The following COL8A1 variants were observed in gnomAD, a reference collection of about 807,000 sequenced individuals.
The protein encoded by COL8A1 is collagen alpha-1(VIII) chain.
Under a neutral mutation model 42.7 loss-of-function variants are expected in COL8A1, and 21 were observed. The observed-to-expected ratio is 0.49, with a 90% CI of 0.35 to 0.71. COL8A1 has a LOEUF of 0.71. Among genes scored for constraint, COL8A1 ranks in the 30% least tolerant of loss-of-function variants. COL8A1 has a pLI of 0.01. For missense variants in COL8A1, 788 were observed against 962.4 expected, an observed-to-expected ratio of 0.82 and a Z score of 2.40; for synonymous variants, 367 against 369.1, an observed-to-expected ratio of 0.99 and a Z score of 0.06.
At chr3:99,644,455 G>A (rs889039534) in intron 1 of COL8A1, among the ~76,000 whole-genome samples, 1 of 152,174 alleles carries the variant, frequency 6.6e-6, no homozygotes, top group African/African-American at 2.4e-5. Context: ...GACGAAGGCA[G>A]GAAAGAATAT....
Position 99,796,234 on chromosome 3 carries a change from T to C in COL8A1, c.*98T>C. The C allele has an allele frequency of 9.7e-7, 1 of 1,032,778 alleles. No individual in the cohort carries two copies. The highest frequency in any genetic ancestry group is 1.3e-6 in the Non-Finnish European group (1 of 745,416). The allele number at this position is 1,032,778 out of a possible 1,614,324, so 64.0% of individuals were successfully genotyped here. ...GAAAAACATAATTGCTTCAAAACAC[T>C]TACACAGTTGGAAAGTTATATGTAA... On this transcript the variant is annotated 3_prime_UTR_variant, in exon 4 of 4. Transcript: ENST00000652472.
intron 1 of COL8A1, among the ~76,000 whole-genome samples, chr3:99,652,505 C>A (rs374752570): frequency 6.6e-6 from 1 of 152,192 alleles, no homozygotes; most frequent in Non-Finnish European, 1.5e-5. Flanking sequence ...AAATCTGGAT[C>A]ATCCCATCCC....
intron 1 of COL8A1, among the ~76,000 whole-genome samples, chr3:99,699,634 G>A (rs1489331012): frequency 2.0e-5 from 3 of 152,114 alleles, no homozygotes; most frequent in African/African-American, 7.2e-5. Context: ...AAATACATTT[G>A]CACTCTGAGC....
At chr3:99,749,548 T>C (rs1559626463) in intron 2 of COL8A1, among the ~76,000 whole-genome samples, 1 of 152,188 alleles carries the variant, frequency 6.6e-6, no homozygotes, top group Non-Finnish European at 1.5e-5. Context: ...GATAGGTTTA[T>C]GAACATGCTT....
At position 99,790,864 on chromosome 3, in the gene COL8A1, T is replaced by C; in HGVS notation, c.182T>C (p.Met61Thr). ...YQPLGQQVPH[M>T]PLAKDGLAMG... ...CCCCTGGGTCAGCAAGTACCTCACA[T>C]GCCTTTGGCCAAAGATGGCCTTGCC... The change falls in exon 3 of 4, where the codon ATG becomes ACG. Residue 61 changes from methionine to threonine, a missense_variant. By Grantham distance (81) the Met-to-Thr change is moderately conservative. Coordinates refer to ENST00000652472, the MANE Select transcript of COL8A1 (RefSeq NM_020351.4). The C allele has an allele frequency of 6.2e-7, 1 of 1,614,258 alleles. No homozygotes were observed. Among genetic ancestry groups the C allele is most frequent in the Non-Finnish European group, 8.5e-7 (1 of 1,180,050 alleles).
intron 1 of COL8A1, among the ~76,000 whole-genome samples, chr3:99,728,492 A>G (rs116497415): frequency 6.6e-6 from 1 of 152,060 alleles, no homozygotes. Flanking sequence ...ACATAAAATG[A>G]TTTTACAGAG....
chr3:99,762,658 G>A (rs560120263), intron 2 of COL8A1, among the ~76,000 whole-genome samples: 5 of 152,270 alleles, frequency 3.3e-5, no homozygotes, highest in South Asian at 2.1e-4. Flanking sequence ...CTAGCCCCAC[G>A]TTGGTCCTAG....
At chr3:99,760,101 T>C (rs186214444) in intron 2 of COL8A1, among the ~76,000 whole-genome samples, 1 of 152,282 alleles carries the variant, frequency 6.6e-6, no homozygotes. Context: ...AGTGATGTTG[T>C]TGGATAGAAA....
At chr3:99,775,249 A>G (rs1941673107) in intron 2 of COL8A1, among the ~76,000 whole-genome samples, 1 of 152,182 alleles carries the variant, frequency 6.6e-6, no homozygotes, top group Admixed American at 6.5e-5. Flanking sequence ...GGCTAAAGAA[A>G]GCACCAGGCT....
At chr3:99,725,825 T>C (rs918100639) in intron 1 of COL8A1, among the ~76,000 whole-genome samples, 3 of 152,062 alleles carry the variant, frequency 2.0e-5, no homozygotes, top group Non-Finnish European at 4.4e-5. Context: ...TGTTGGACAT[T>C]TGGGTTGGTT....
chr3:99,787,148 T>C (rs1576476717), intron 2 of COL8A1, among the ~76,000 whole-genome samples: 1 of 152,186 alleles, frequency 6.6e-6, no homozygotes, highest in Non-Finnish European at 1.5e-5. Context: ...CCAATGAGGA[T>C]AAACGTACAA....
intron 1 of COL8A1, among the ~76,000 whole-genome samples, chr3:99,673,733 CATAGGTAT>C (rs1281230016): frequency 4.6e-5 from 7 of 151,928 alleles, no homozygotes; most frequent in South Asian, 2.1e-4. Context: ...GGTAGCAGAG[CATAGGTAT>C]TAAGATTCAA....
At chr3:99,787,645 T>G (rs1365210713) in intron 2 of COL8A1, among the ~76,000 whole-genome samples, 2 of 152,176 alleles carry the variant, frequency 1.3e-5, no homozygotes, top group African/African-American at 4.8e-5. Context: ...AATTGCTATT[T>G]TACAGGTAAG....
At chr3:99,705,327 C>A (rs745757430) in intron 1 of COL8A1, among the ~76,000 whole-genome samples, 9 of 152,164 alleles carry the variant, frequency 5.9e-5, no homozygotes, top group Non-Finnish European at 1.2e-4. Flanking sequence ...CCAACTTCCA[C>A]CATTTCTATA....
chr3:99,710,255 T>C (rs1939797574), intron 1 of COL8A1, among the ~76,000 whole-genome samples: 1 of 152,136 alleles, frequency 6.6e-6, no homozygotes, highest in South Asian at 2.1e-4. Flanking sequence ...TTGCCTGCGC[T>C]ACTCACCAAA....
chr3:99,795,498 G>A lies in COL8A1; in HGVS notation c.1597G>A (p.Gly533Arg). Residue 533 changes from glycine (G) to arginine (R), a missense_variant, in exon 4 of 4, where the codon GGG (glycine) becomes AGG (arginine). Physicochemically the swap from Gly to Arg is moderately radical, Grantham distance 125 (BLOSUM62 -2). This residue lies in a region of COL8A1 where 154 missense variants were observed against 182.3 expected (regional missense o/e 0.84). Transcript: ENST00000652472. ...AGGGCCCCCTGGGTTCCCTGGTATA[G>A]GGAAACCCGGAGTGGCAGGACTTCA... is the stretch of plus-strand genomic sequence containing the variant. ...LPGPPGFPGI[G>R]KPGVAGLHGP... 3 of 1,580,808 alleles carry A rather than the reference G, an allele frequency of 1.9e-6. No homozygotes were observed. The highest frequency in any genetic ancestry group is 2.6e-6 in the Non-Finnish European group (3 of 1,163,180).
intron 1 of COL8A1, among the ~76,000 whole-genome samples, chr3:99,701,431 G>C (rs575652574): frequency 6.6e-6 from 1 of 152,162 alleles, no homozygotes; most frequent in Non-Finnish European, 1.5e-5. Context: ...CCTTACTAGA[G>C]AAAGAGAGGC....
At chr3:99,677,478 G>A (rs1484360348) in intron 1 of COL8A1, among the ~76,000 whole-genome samples, 1 of 152,012 alleles carries the variant, frequency 6.6e-6, no homozygotes, top group African/African-American at 2.4e-5. Flanking sequence ...TTTATTTACA[G>A]GGAGAGTGAA....
chr3:99,746,460 G>A (rs1360517120), intron 2 of COL8A1, among the ~76,000 whole-genome samples: 1 of 152,134 alleles, frequency 6.6e-6, no homozygotes, highest in African/African-American at 2.4e-5. Flanking sequence ...ACCAGTGATA[G>A]GCTCGGCTTC....
Sources: gnomAD v4.1 joint callset for allele counts (sites outside exome capture counted in the v4.1 genomes callset) on GRCh38, gnomAD v4.1.1 for gene constraint, gnomAD v4.1.1 regional missense constraint, MANE v1.5 for transcripts, NCBI Gene and HGNC (gene_info 2026-07-23, HGNC 2026-07-21) for gene names.